MGAT5: variants seen among roughly 807,000 people sequenced by gnomAD.
MGAT5 encodes alpha-1,6-mannosylglycoprotein 6-beta-N-acetylglucosaminyltransferase, also known as alpha-1,6-mannosylglycoprotein 6-beta-N-acetylglucosaminyltransferase A.
A neutral mutation model predicts 94.3 loss-of-function variants in MGAT5; 30 were observed. That is an observed-to-expected ratio of 0.32 (90% CI 0.24 to 0.43). MGAT5 has a LOEUF of 0.43. MGAT5 is among the 20% of genes least tolerant of loss of function. MGAT5 has a pLI of 1.00. For synonymous variants in MGAT5, 310 were observed against 322.9 expected, an observed-to-expected ratio of 0.96 and a Z score of 0.43; for missense variants, 691 against 905.5, an observed-to-expected ratio of 0.76 and a Z score of 3.04.
At chr2:134,421,208 C>T (rs1355790474) in intron 12 of MGAT5, among the ~76,000 whole-genome samples, 1 of 152,192 alleles carries the variant, frequency 6.6e-6, no homozygotes, top group Non-Finnish European at 1.5e-5. Flanking sequence ...GGTGACGTTT[C>T]AGATAAAACA....
At chr2:134,422,754 G>T (rs549168373) in intron 12 of MGAT5, 49 bp from the exon 13 acceptor site, 3 of 1,424,604 alleles carry the variant, frequency 2.1e-6, no homozygotes, top group Admixed American at 3.4e-5. Flanking sequence ...TCTAGCACAG[G>T]TTATTTTAAA....
rs1452026183 is a variant in MGAT5, at chr2:134,448,882, G to A, written c.*35G>A. ...GCTCAGCCCTGCACCATGCTGCTGG[G>A]GAAGACAGTGGCCCCAGCCCCGTCA... On this transcript the variant is annotated 3_prime_UTR_variant, in exon 16 of 16. Coordinates refer to ENST00000281923, the MANE Select transcript of MGAT5 (RefSeq NM_002410.5). 1.8e-5 allele frequency: 28 copies of A among 1,593,764 alleles called. No individual in the cohort carries two copies. Among genetic ancestry groups the A allele is most frequent in the Non-Finnish European group, 2.3e-5 (27 of 1,167,924 alleles).
intron 2 of MGAT5, among the ~76,000 whole-genome samples, chr2:134,316,356 G>A (rs969434397): frequency 1.3e-5 from 2 of 152,096 alleles, no homozygotes; most frequent in African/African-American, 4.8e-5. Context: ...GAACGGCATC[G>A]TTAGATTGTC....
rs373377770 is a variant in MGAT5 at position 134,145,214 on chromosome 2, C to CTCTCTCTGTG, written c.-143+24924_-143+24925insCTCTCTGTGT. 1.3e-3 allele frequency among the ~76,000 whole-genome samples: 182 copies of CTCTCTCTGTG among 143,868 alleles called. 2 individuals carry two copies. In the East Asian group the frequency reaches 0.022, roughly 17 times the overall value. 94.4% of individuals were successfully genotyped at this position (143,868 alleles called of 152,430 possible). A position where few individuals can be genotyped will look rare whatever the true frequency, so the allele number is the denominator to read the frequency against. On this transcript the variant is annotated intron_variant, in intron 1 of 16. Coordinates refer to the MGAT5 transcript ENST00000409645. ...GTAAGGTGTGTGTGTGTCTCTCTCT[C>CTCTCTCTGTG]TGTGTGTGTGTGTGTGTGTGTGTGT... is the stretch of plus-strand genomic sequence containing the variant.
chr2:134,226,655 GAA>G (rs1681080225), intron 1 of MGAT5, among the ~76,000 whole-genome samples: 2 of 152,170 alleles, frequency 1.3e-5, no homozygotes, highest in South Asian at 4.1e-4. Flanking sequence ...AGTGTAGACA[GAA>G]AGTCTGGTAG....
chr2:134,159,336 G>T lies in MGAT5; in HGVS notation c.-143+39045G>T, dbSNP rs542722522. On this transcript the variant is annotated intron_variant, in intron 1 of 16. Transcript: ENST00000409645. ...TTCTTCCCTTCTCTTTGCTTGCAAT[G>T]TGTCTGCTAAGTGAATCTCTGGAGG... 4.6e-4 allele frequency among the ~76,000 whole-genome samples: 70 copies of T among 151,776 alleles called. No homozygotes were observed. In the South Asian group the frequency reaches 8.5e-3, roughly 18 times the overall value.
intron 10 of MGAT5, among the ~76,000 whole-genome samples, chr2:134,368,615 T>C (rs138845060): frequency 0.021 from 3,208 of 152,336 alleles, 52 homozygotes; most frequent in South Asian, 0.044. Context: ...TCATTCTCCA[T>C]ACAGCAGCAG....
intron 1 of MGAT5, among the ~76,000 whole-genome samples, chr2:134,148,917 C>T (rs1318470281): frequency 6.6e-6 from 1 of 152,012 alleles, no homozygotes; most frequent in Non-Finnish European, 1.5e-5. Context: ...TGCCACCACA[C>T]CTAGCTAATT....
At position 134,453,373 on chromosome 2, in the gene MGAT5, C is replaced by T. The variant is rs1426496882; in HGVS notation, c.*4526C>T. 1 of 151,080 alleles carries T rather than the reference C, an allele frequency of 6.6e-6. No individual in the cohort carries two copies. The highest frequency in any genetic ancestry group is 1.5e-5 in the Non-Finnish European group (1 of 68,026). 9.4% of individuals were successfully genotyped at this position (151,080 alleles called of 1,614,324 possible). On this transcript the variant is annotated 3_prime_UTR_variant, in exon 16 of 16. Coordinates refer to ENST00000281923, the MANE Select transcript of MGAT5 (RefSeq NM_002410.5). ...CTCCAGCTGGAAAAGGTAAAGGTGACCTTTGGCTAGCCACATACTGGACCT... is the reference window on the plus strand; with the variant it reads ...CTCCAGCTGGAAAAGGTAAAGGTGATCTTTGGCTAGCCACATACTGGACCT...
intron 11 of MGAT5, among the ~76,000 whole-genome samples, chr2:134,408,299 G>C (rs999649924): frequency 6.6e-6 from 1 of 152,094 alleles, no homozygotes; most frequent in Non-Finnish European, 1.5e-5. Flanking sequence ...TTAAATTTAT[G>C]CAAATATTCT....
At chr2:134,231,743 T>C (rs1370381580) in intron 1 of MGAT5, among the ~76,000 whole-genome samples, 1 of 152,104 alleles carries the variant, frequency 6.6e-6, no homozygotes, top group Non-Finnish European at 1.5e-5. Flanking sequence ...ACTGGAGGTA[T>C]TTGGGGAAAG....
chr2:134,327,058 G>C (rs553313120), intron 4 of MGAT5, among the ~76,000 whole-genome samples: 6 of 152,130 alleles, frequency 3.9e-5, no homozygotes, highest in African/African-American at 1.4e-4. Context: ...TGAATGAATG[G>C]TTCTATCTGA....
At chr2:134,410,395 G>A (rs1683578790) in intron 11 of MGAT5, among the ~76,000 whole-genome samples, 2 of 152,158 alleles carry the variant, frequency 1.3e-5, no homozygotes, top group African/African-American at 2.4e-5. Context: ...CTGTTATTTT[G>A]GTGTTTCCAA....
chr2:134,180,540 G>A (rs1194808899), intron 1 of MGAT5, among the ~76,000 whole-genome samples: 2 of 152,166 alleles, frequency 1.3e-5, no homozygotes, highest in African/African-American at 4.8e-5. Context: ...CTGAGGTCTT[G>A]GAAGGCTGTG....
At chr2:134,298,778 G>T (rs539404318) in intron 2 of MGAT5, among the ~76,000 whole-genome samples, 1 of 152,232 alleles carries the variant, frequency 6.6e-6, no homozygotes, top group East Asian at 1.9e-4. Flanking sequence ...TCATAATGGT[G>T]ATGGTTGAGT....
chr2:134,166,363 C>G (rs1336618277), intron 1 of MGAT5, among the ~76,000 whole-genome samples: 1 of 152,228 alleles, frequency 6.6e-6, no homozygotes, highest in Non-Finnish European at 1.5e-5. Flanking sequence ...TTATTCTCTT[C>G]CTCTCCCCGA....
chr2:134,129,602 A>C (rs1045577727), intron 1 of MGAT5, among the ~76,000 whole-genome samples: 5 of 152,070 alleles, frequency 3.3e-5, no homozygotes, highest in African/African-American at 1.2e-4. Context: ...GAACATATTC[A>C]AATCAACTAT....
chr2:134,451,684 T>C lies in MGAT5; in HGVS notation c.*2837T>C, dbSNP rs1686118282. ...ATTAATGTTTTTCCCCGCTATAATA[T>C]CTTGCCTGTTTTTTTGGATTATTTT... On this transcript the variant is annotated 3_prime_UTR_variant, in exon 16 of 16. Transcript: ENST00000281923. 1 of 152,236 alleles carries C rather than the reference T, an allele frequency of 6.6e-6. No homozygotes were observed. Among genetic ancestry groups the C allele is most frequent in the South Asian group, 2.1e-4 (1 of 4,828 alleles). The allele number at this position is 152,236 out of a possible 1,614,324, so 9.4% of individuals were successfully genotyped here. A position where few individuals can be genotyped will look rare whatever the true frequency, so the allele number is the denominator to read the frequency against.
chr2:134,259,781 C>T (rs951579031), intron 1 of MGAT5, among the ~76,000 whole-genome samples: 7 of 152,164 alleles, frequency 4.6e-5, no homozygotes, highest in Non-Finnish European at 1.0e-4. Flanking sequence ...TGGAATATCC[C>T]CCACATTTTG....
Sources: gnomAD v4.1 joint callset for allele counts (sites outside exome capture counted in the v4.1 genomes callset) on GRCh38, gnomAD v4.1.1 for gene constraint, MANE v1.5 for transcripts, NCBI Gene and HGNC (gene_info 2026-07-23, HGNC 2026-07-21) for gene names.